The following MYL3 variants were observed in gnomAD, a reference collection of about 807,000 sequenced individuals.
MYL3 encodes CMLC1.
A neutral mutation model predicts 21.3 loss-of-function variants in MYL3; 11 were observed. The ratio of observed to expected loss-of-function variants is 0.52; its 90% CI spans 0.32 to 0.85. The LOEUF is 0.85. MYL3 is among the 40% of genes least tolerant of loss of function. MYL3 has a pLI of 0.03. For synonymous variants in MYL3, 88 were observed against 91.6 expected (o/e 0.96, Z 0.22); for missense variants, 206 against 253.3 (o/e 0.81, Z 1.27).
chr3:46,874,572 C>T lies in MYL3; in HGVS notation c.-218+7502G>A, dbSNP rs1055067983. ...CGCAGGGCCCAGCCGGCCTCTGGAACGCGTGCCCGGGACCTCGGTGATATT... is the reference window on the plus strand; with the variant it reads ...CGCAGGGCCCAGCCGGCCTCTGGAATGCGTGCCCGGGACCTCGGTGATATT... On this transcript the variant is annotated intron_variant, in intron 1 of 3. Transcript: ENST00000431168. The surrounding 1 kb of genome is among the most constrained non-coding windows in gnomAD (Gnocchi z 4.1). Among the ~76,000 whole-genome samples, 2 of 152,190 alleles carry T rather than the reference C, an allele frequency of 1.3e-5. No homozygotes were observed. The highest frequency in any genetic ancestry group is 2.9e-5 in the Non-Finnish European group (2 of 68,034).
chr3:46,872,894 T>C (rs1410752151), intron 1 of MYL3, among the ~76,000 whole-genome samples: 1 of 152,340 alleles, frequency 6.6e-6, no homozygotes, highest in East Asian at 1.9e-4. Context: ...TCCTGGGGCC[T>C]GCTCATGAGG....
rs1052722867 is a variant in MYL3, at chr3:46,859,061, G to A, written c.481+414C>T. On this transcript the variant is annotated intron_variant, in intron 4 of 6. Transcript: ENST00000292327. This position sits in a 1 kb window ranked among gnomAD's most constrained non-coding sequence, Gnocchi z 4.1. ...GAGGGACCCCCTGCTGCAGGCAGCC[G>A]ATGGTAGGGGTATAAGTGGGAGGTA... 3.3e-5 allele frequency among the ~76,000 whole-genome samples: 5 copies of A among 152,254 alleles called. No individual in the cohort carries two copies. The highest frequency in any genetic ancestry group is 1.9e-4 in the East Asian group (1 of 5,172).
intron 4 of MYL3, 37 bp from the exon 5 acceptor site, chr3:46,858,498 G>A (rs1321868060): frequency 6.2e-7 from 1 of 1,602,084 alleles, no homozygotes; most frequent in African/African-American, 1.3e-5. Context: ...CACCGTGCGT[G>A]CAGAGGCATG....
At chr3:46,880,090 G>C (rs571645963) in intron 1 of MYL3, among the ~76,000 whole-genome samples, 1 of 152,290 alleles carries the variant, frequency 6.6e-6, no homozygotes, top group South Asian at 2.1e-4. Context: ...TAACACTGAA[G>C]AACCACAAGT....
In MYL3 at chr3:46,861,840, C is replaced by T. The variant is rs1486695610; in HGVS notation, c.130-853G>A. 6.6e-6 allele frequency among the ~76,000 whole-genome samples: 1 copy of T among 152,218 alleles called. No homozygotes were observed. The highest frequency in any genetic ancestry group is 2.4e-5 in the African/African-American group (1 of 41,450). On this transcript the variant is annotated intron_variant, in intron 1 of 6. Coordinates refer to ENST00000292327, the MANE Select transcript of MYL3 (RefSeq NM_000258.3). The surrounding 1 kb of genome is among the most constrained non-coding windows in gnomAD (Gnocchi z 4.2). ...GTTGGGGGAGGGGCATGACTGGCGT[C>T]TCTCTCATGGCTGCTGCCACGGAGC... is the stretch of plus-strand genomic sequence containing the variant.
At chr3:46,877,889 A>G (rs2168442) in intron 1 of MYL3, 18,170 of 152,294 alleles carry the variant, frequency 0.12, 2,668 homozygotes, top group African/African-American at 0.35. Flanking sequence ...ACAGCTGGGA[A>G]GCCCAAGTCT....
rs1387852272 is a variant in MYL3 at position 46,878,083 on chromosome 3, G to C, written c.-218+3991C>G. Among the ~76,000 whole-genome samples the C allele has an allele frequency of 2.6e-5, 4 of 152,334 alleles. No homozygotes were observed. The East Asian group carries it at 5.8e-4, about 22-fold the overall frequency. On this transcript the variant is annotated intron_variant, in intron 1 of 3. Transcript: ENST00000431168. ...TTGGGAGCCTTAGGAGTGCTCCCTGGTTGGGACAGAGCCTGCTGGCCCCAG... is the reference window on the plus strand; with the variant it reads ...TTGGGAGCCTTAGGAGTGCTCCCTGCTTGGGACAGAGCCTGCTGGCCCCAG...
chr3:46,861,536 C>A lies in MYL3; in HGVS notation c.130-549G>T, dbSNP rs1196546179. On this transcript the variant is annotated intron_variant, in intron 1 of 6. Coordinates refer to ENST00000292327, the MANE Select transcript of MYL3 (RefSeq NM_000258.3). The surrounding 1 kb of genome is among the most constrained non-coding windows in gnomAD (Gnocchi z 4.2). ...CTACATACGTCTGCCCTCACAGAGC[C>A]CCCTAAGCCCTAAAGACCAGGCAGT... 1.3e-5 allele frequency among the ~76,000 whole-genome samples: 2 copies of A among 152,132 alleles called. No individual in the cohort carries two copies. The highest frequency in any genetic ancestry group is 2.9e-5 in the Non-Finnish European group (2 of 68,018).
At chr3:46,865,974 C>T (rs1296144818), upstream of MYL3, among the ~76,000 whole-genome samples, 1 of 152,098 alleles carries the variant, frequency 6.6e-6, no homozygotes, top group Non-Finnish European at 1.5e-5. The surrounding 1 kb of genome is among the most constrained non-coding windows in gnomAD (Gnocchi z 4.3). Flanking sequence ...CACCCACAGG[C>T]CCACCCTCAA....
rs1384005137 is a variant in MYL3 at position 46,879,961 on chromosome 3, C to T, written c.-218+2113G>A. 6.6e-6 allele frequency among the ~76,000 whole-genome samples: 1 copy of T among 152,086 alleles called. No individual in the cohort carries two copies. The highest frequency in any genetic ancestry group is 2.4e-5 in the African/African-American group (1 of 41,398). On this transcript the variant is annotated intron_variant, in intron 1 of 3. Transcript: ENST00000431168. This position sits in a 1 kb window ranked among gnomAD's most constrained non-coding sequence, Gnocchi z 4.7. ...GGCTGAGGCCAGAGAATTGCTTGAA[C>T]CCGGGAGGTGGAGGTTGCAGTCAGC...
rs1575497280 is a variant in MYL3 at position 46,858,117 on chromosome 3, G to A, written c.*14-16C>T. 78 of 1,248,460 alleles carry A rather than the reference G, an allele frequency of 6.2e-5. No homozygotes were observed. The East Asian group carries it at 1.8e-3, about 29-fold the overall frequency. The allele number at this position is 1,248,460 out of a possible 1,614,324, so 77.3% of individuals were successfully genotyped here. On this transcript the variant is annotated splice_polypyrimidine_tract_variant and intron_variant, in intron 6 of 6. Transcript: ENST00000292327. ...CCTGGGCTTCCTGAGAGCAAAGGCAGTGCAGATTACAGAGGAGGAGGGAGA... is the reference window on the plus strand; with the variant it reads ...CCTGGGCTTCCTGAGAGCAAAGGCAATGCAGATTACAGAGGAGGAGGGAGA...
rs746973471 is a variant in MYL3 at position 46,858,663 on chromosome 3, G to A, written c.482-202C>T. Among the ~76,000 whole-genome samples, 6 of 152,180 alleles carry A rather than the reference G, an allele frequency of 3.9e-5. 1 individual carries two copies. The highest frequency in any genetic ancestry group is 9.7e-5 in the African/African-American group (4 of 41,444). The stretch of plus-strand genomic sequence containing the variant: ...TAAGAAGGGGCCTGGGGTGCAGTAC[G>A]TGCTGTCCTCTGTCCCACTAGGCTG... On this transcript the variant is annotated intron_variant, in intron 4 of 6. Transcript: ENST00000292327.
chr3:46,865,964 C>T (rs1046925919), upstream of MYL3, among the ~76,000 whole-genome samples: 5 of 152,078 alleles, frequency 3.3e-5, no homozygotes, highest in Non-Finnish European at 4.4e-5. The surrounding 1 kb of genome is among the most constrained non-coding windows in gnomAD (Gnocchi z 4.3). Context: ...CCCCAGGACT[C>T]ACCCACAGGC....
intron 1 of MYL3, among the ~76,000 whole-genome samples, chr3:46,876,727 T>C (rs1163526521): frequency 6.6e-6 from 1 of 152,162 alleles, no homozygotes; most frequent in East Asian, 1.9e-4. Flanking sequence ...CTGCCTCACA[T>C]GCAGGGCACT....
At chr3:46,858,581 G>A in intron 4 of MYL3, 120 bp from the exon 5 acceptor site, 1 of 960,388 alleles carries the variant, frequency 1.0e-6, no homozygotes, top group Non-Finnish European at 1.6e-6. Flanking sequence ...AACCAGCACT[G>A]TTCACAAGAC....
chr3:46,870,919 C>T (rs1161632134), intron 1 of MYL3, among the ~76,000 whole-genome samples: 1 of 152,168 alleles, frequency 6.6e-6, no homozygotes, highest in Admixed American at 6.5e-5. Flanking sequence ...GAGCTTGGGC[C>T]AAGAGCAGGC....
At position 46,874,374 on chromosome 3, in the gene MYL3, C is replaced by T. The variant is rs1460617357; in HGVS notation, c.-218+7700G>A. Among the ~76,000 whole-genome samples the T allele has an allele frequency of 2.0e-5, 3 of 152,114 alleles. No individual in the cohort carries two copies. The highest frequency in any genetic ancestry group is 6.5e-5 in the Admixed American group (1 of 15,268). On this transcript the variant is annotated intron_variant, in intron 1 of 3. Transcript: ENST00000431168. The surrounding 1 kb of genome is among the most constrained non-coding windows in gnomAD (Gnocchi z 4.1). ...TGAGGCCCAGAGATTTGGCAAGGCA[C>T]GACAAAGGACCACCCACATAGAGGG...
chr3:46,859,584 G>A lies in MYL3; in HGVS notation c.372C>T (p.Asn124=). 6.2e-7 allele frequency: 1 copy of A among 1,614,232 alleles called. No individual in the cohort carries two copies. The highest frequency in any genetic ancestry group is 8.5e-7 in the Non-Finnish European group (1 of 1,180,048). ...AGTCCTCATAGGTGCCTGTGTCCTT[G>A]TTCTTGGAAATGTGCTGGAGCATAG... The part of the protein sequence containing the change: ...FLPMLQHISK[N]KDTGTYEDFV... The change falls in exon 4 of 7, where the codon AAC becomes AAT. Residue 124 remains asparagine (N), a synonymous_variant. Transcript: ENST00000292327. This position sits in a 1 kb window ranked among gnomAD's most constrained non-coding sequence, Gnocchi z 4.1.
At chr3:46,870,314 G>C (rs1223142977) in intron 1 of MYL3, among the ~76,000 whole-genome samples, 1 of 152,170 alleles carries the variant, frequency 6.6e-6, no homozygotes, top group Non-Finnish European at 1.5e-5. Flanking sequence ...CCTGGACAGA[G>C]GGACAGGATG....
Sources: gnomAD v4.1 joint callset for allele counts (sites outside exome capture counted in the v4.1 genomes callset) on GRCh38, gnomAD v4.1.1 for gene constraint, Gnocchi (gnomAD v3.1) non-coding constraint, MANE v1.5 for transcripts, NCBI Gene and HGNC (gene_info 2026-07-23, HGNC 2026-07-21) for gene names.